The following PLEKHH2 variants were observed in gnomAD, a reference collection of about 807,000 sequenced individuals.
PLEKHH2 encodes pleckstrin homology domain-containing family H member 2.
Under a neutral mutation model 187.9 loss-of-function variants are expected in PLEKHH2, and 129 were observed. The ratio of observed to expected loss-of-function variants is 0.69; its 90% CI spans 0.59 to 0.79. PLEKHH2 has a LOEUF of 0.79. Ranked by LOEUF, PLEKHH2 falls within the 30% of genes least tolerant of loss-of-function variation. PLEKHH2 has a pLI of 0.00. For synonymous variants in PLEKHH2, 686 were observed against 605.6 expected (o/e 1.13, Z -1.95); for missense variants, 2,076 against 1,751.2 (o/e 1.19, Z -3.31).
Position 43,755,031 on chromosome 2 carries a change from C to A in PLEKHH2, c.3795+1271C>A, listed in dbSNP as rs575707771. Among the ~76,000 whole-genome samples, 3 of 152,110 alleles carry A rather than the reference C, an allele frequency of 2.0e-5. No individual in the cohort carries two copies. In the Middle Eastern group the frequency reaches 0.01, roughly 517 times the overall value. The stretch of plus-strand genomic sequence containing the variant: ...GGAATTATAGGCACTCACCACCATG[C>A]TCTGCTAATTTTCGTATTTTTAGTA... On this transcript the variant is annotated intron_variant, in intron 25 of 29. Coordinates refer to ENST00000282406, the MANE Select transcript of PLEKHH2 (RefSeq NM_172069.4).
At chr2:43,684,900 T>C (rs544529946) in intron 3 of PLEKHH2, among the ~76,000 whole-genome samples, 101 of 152,228 alleles carry the variant, frequency 6.6e-4, no homozygotes, top group Non-Finnish European at 1.1e-3. Flanking sequence ...CATTTCTTTT[T>C]GTCACAACAC....
At position 43,733,771 on chromosome 2, in the gene PLEKHH2, G is replaced by A. The variant is rs551340847; in HGVS notation, c.2943+2169G>A. Among the ~76,000 whole-genome samples the A allele has an allele frequency of 3.3e-5, 5 of 152,220 alleles. No individual in the cohort carries two copies. In the South Asian group the frequency reaches 1.0e-3, roughly 32 times the overall value. On this transcript the variant is annotated intron_variant, in intron 19 of 29. Coordinates refer to ENST00000282406, the MANE Select transcript of PLEKHH2 (RefSeq NM_172069.4). ...AAAAATGCTGATAATTATTGACACT[G>A]GGTGATGGGTACATGGGTGATTATT...
At chr2:43,703,884 A>G in intron 8 of PLEKHH2, 97 bp from the exon 9 acceptor site, 2 of 780,038 alleles carry the variant, frequency 2.6e-6, no homozygotes, top group Non-Finnish European at 4.1e-6. Flanking sequence ...TTAAATGAAG[A>G]ACAAATGAAA....
chr2:43,720,445 C>T (rs1238712153), intron 15 of PLEKHH2, among the ~76,000 whole-genome samples: 1 of 152,144 alleles, frequency 6.6e-6, no homozygotes, highest in Non-Finnish European at 1.5e-5. Flanking sequence ...ACCCCGGTGC[C>T]CTCTACCCTG....
chr2:43,696,691 A>T (rs900693472), intron 6 of PLEKHH2, among the ~76,000 whole-genome samples: 9 of 152,128 alleles, frequency 5.9e-5, no homozygotes, highest in African/African-American at 2.2e-4. Flanking sequence ...AAGATAAGCA[A>T]AAGTCATTAC....
At position 43,699,734 on chromosome 2, in the gene PLEKHH2, C is replaced by T; in HGVS notation, c.776C>T (p.Ser259Leu). The T allele has an allele frequency of 6.2e-7, 1 of 1,614,182 alleles. No individual in the cohort carries two copies. The highest frequency in any genetic ancestry group is 1.1e-5 in the South Asian group (1 of 91,060). ...ACATTGCATCAAACCCCTTGTGGCT[C>T]AGAACAGAATCGGAAAACAAGAACA... Reference protein sequence around the residue: ...QRTLHQTPCGSEQNRKTRTSF... With the variant: ...QRTLHQTPCGLEQNRKTRTSF... Residue 259 changes from serine (S) to leucine (L), a missense_variant, in exon 8 of 30, where the codon TCA becomes TTA. Ser to Leu is a moderately radical substitution (Grantham distance 145, BLOSUM62 -2). Coordinates refer to ENST00000282406, the MANE Select transcript of PLEKHH2 (RefSeq NM_172069.4).
chr2:43,713,384 C>T (rs914983532), intron 15 of PLEKHH2, among the ~76,000 whole-genome samples: 2 of 151,930 alleles, frequency 1.3e-5, no homozygotes, highest in South Asian at 4.1e-4. Flanking sequence ...CAGCATGGTT[C>T]ATAATAAAGA....
In PLEKHH2 at chr2:43,753,728, C is replaced by T; in HGVS notation, c.3763C>T (p.Leu1255=). 1 of 1,578,184 alleles carries T rather than the reference C, an allele frequency of 6.3e-7. No individual in the cohort carries two copies. Among genetic ancestry groups the T allele is most frequent in the Non-Finnish European group, 8.6e-7 (1 of 1,167,108 alleles). ...TGGACTTTTTCCTCTGAACAAAGAT[C>T]TGGCATTAGAAATGGCAGCTCTTTT... ...INGLFPLNKD[L]ALEMAALLSQ... Residue 1255 remains leucine, a synonymous_variant, in exon 25 of 30, where the codon CTG becomes TTG. Coordinates refer to ENST00000282406, the MANE Select transcript of PLEKHH2 (RefSeq NM_172069.4).
At chr2:43,740,907 G>A in intron 20 of PLEKHH2, 39 bp from the exon 21 acceptor site, 1 of 1,604,394 alleles carries the variant, frequency 6.2e-7, no homozygotes, top group East Asian at 2.2e-5. Context: ...TCTCTGACTG[G>A]CACGTGGTAT....
At chr2:43,711,195 T>C in intron 14 of PLEKHH2, 1 of 985,572 alleles carries the variant, frequency 1.0e-6, no homozygotes, top group Non-Finnish European at 1.2e-6. Flanking sequence ...TTCTGAAATG[T>C]CTTCAATAAC....
intron 14 of PLEKHH2, chr2:43,711,569 T>A: frequency 5.1e-6 from 5 of 976,848 alleles, no homozygotes; most frequent in Non-Finnish European, 6.1e-6. Context: ...TTTATTATAG[T>A]CTTTAATCAT....
At chr2:43,746,957 G>A (rs1377642035) in intron 24 of PLEKHH2, among the ~76,000 whole-genome samples, 3 of 151,172 alleles carry the variant, frequency 2.0e-5, no homozygotes, top group Non-Finnish European at 2.9e-5. Flanking sequence ...ACGACAAAGC[G>A]AGACTCTGTC....
chr2:43,681,372 C>T, intron 3 of PLEKHH2: 1 of 1,443,346 alleles, frequency 6.9e-7, no homozygotes. Flanking sequence ...TACTTCTTGG[C>T]TGCTACTGGA....
intron 6 of PLEKHH2, among the ~76,000 whole-genome samples, chr2:43,696,239 A>G (rs1480293320): frequency 6.6e-6 from 1 of 152,150 alleles, no homozygotes; most frequent in Non-Finnish European, 1.5e-5. Context: ...TTGGGAGGCC[A>G]AGGTGAGAGG....
intron 9 of PLEKHH2, 73 bp downstream of exon 9, chr2:43,704,129 A>T: frequency 9.5e-7 from 1 of 1,056,694 alleles, no homozygotes; most frequent in Non-Finnish European, 1.4e-6. Flanking sequence ...TAATACAAAT[A>T]CATGGTACAG....
In PLEKHH2 at chr2:43,700,330, T is replaced by C. The variant is rs369840445; in HGVS notation, c.1372T>C (p.Leu458=). 9 of 1,614,154 alleles carry C rather than the reference T, an allele frequency of 5.6e-6. No homozygotes were observed. The highest frequency in any genetic ancestry group is 6.8e-6 in the Non-Finnish European group (8 of 1,180,016). ...SISVALAKRH[L]SQPQLSSDRM... is the part of the protein sequence containing the mutation. ...AAGTGTAGCACTAGCCAAAAGGCAC[T>C]TAAGCCAGCCACAGTTAAGCTCTGA... The change falls in exon 8 of 30, where the codon TTA becomes CTA. Residue 458 remains leucine, a synonymous_variant. Transcript: ENST00000282406.
intron 15 of PLEKHH2, among the ~76,000 whole-genome samples, chr2:43,713,099 A>AACACAAACACACACACAC (rs142157967): frequency 8.6e-5 from 13 of 150,676 alleles, no homozygotes; most frequent in African/African-American, 2.9e-4. Context: ...ATATCAAATC[A>AACACAAACACACACACAC]ACACACACAC....
rs1672651354 is a variant in PLEKHH2, at chr2:43,767,192, A to T, written c.*1594A>T. The T allele has an allele frequency of 6.6e-6, 1 of 151,986 alleles. No homozygotes were observed. The highest frequency in any genetic ancestry group is 1.5e-5 in the Non-Finnish European group (1 of 67,934). 9.4% of individuals were successfully genotyped at this position (151,986 alleles called of 1,614,324 possible). A position where few individuals can be genotyped will look rare whatever the true frequency, so the allele number is the denominator to read the frequency against. Reference sequence around the variant, plus strand: ...TTGGACATATATTTATCACTTTGTCATTTTTTTTAACCAATTTGAGAAATG... The same window carrying T: ...TTGGACATATATTTATCACTTTGTCTTTTTTTTTAACCAATTTGAGAAATG... On this transcript the variant is annotated 3_prime_UTR_variant, in exon 30 of 30. Transcript: ENST00000282406.
intron 3 of PLEKHH2, among the ~76,000 whole-genome samples, chr2:43,682,823 C>G (rs545688680): frequency 1.4e-4 from 22 of 152,180 alleles, no homozygotes; most frequent in African/African-American, 5.3e-4. Context: ...GATTTATATA[C>G]TATTTGATCT....
Sources: allele counts gnomAD v4.1 joint callset (sites outside exome capture counted in the v4.1 genomes callset), GRCh38; gene constraint gnomAD v4.1.1; transcripts MANE v1.5; gene names NCBI Gene and HGNC (gene_info 2026-07-23, HGNC 2026-07-21).